The following GRIK2 variants were observed in gnomAD, a reference collection of about 807,000 sequenced individuals.
The protein encoded by GRIK2 is glutamate ionotropic receptor kainate type subunit 2, also known as glutamate receptor ionotropic, kainate 2.
A neutral mutation model predicts 100.3 loss-of-function variants in GRIK2; 32 were observed. The observed-to-expected ratio is 0.32, with a 90% CI of 0.24 to 0.43. The LOEUF (loss-of-function observed/expected upper bound fraction) is 0.43, where lower values mean the gene tolerates loss of function less well. Among genes scored for constraint, GRIK2 ranks in the 20% least tolerant of loss-of-function variants. GRIK2 has a pLI of 1.00. For synonymous variants in GRIK2, 417 were observed against 389.4 expected (o/e 1.07, Z -0.83); for missense variants, 843 against 1,114.9 (o/e 0.76, Z 3.47).
At chr6:101,545,273 T>C (rs1003682287) in intron 2 of GRIK2, among the ~76,000 whole-genome samples, 1 of 152,180 alleles carries the variant, frequency 6.6e-6, no homozygotes, top group Non-Finnish European at 1.5e-5. Context: ...CCGAGGTGTA[T>C]AGAAAGCTGT....
chr6:101,946,797 AC>A (rs1791307935), intron 14 of GRIK2, among the ~76,000 whole-genome samples: 1 of 152,042 alleles, frequency 6.6e-6, no homozygotes, highest in South Asian at 2.1e-4. Flanking sequence ...GGTATTGTAA[AC>A]CATTTATTTT....
At chr6:101,394,569 T>C (rs151193799) in intron 1 of GRIK2, among the ~76,000 whole-genome samples, 3 of 152,348 alleles carry the variant, frequency 2.0e-5, no homozygotes, top group African/African-American at 7.2e-5. Context: ...GATTATCTTC[T>C]ATCGTTTATT....
intron 2 of GRIK2, among the ~76,000 whole-genome samples, chr6:101,564,720 G>A (rs1025809298): frequency 3.3e-5 from 5 of 152,028 alleles, no homozygotes; most frequent in African/African-American, 7.2e-5. Flanking sequence ...TTCCTTTCAG[G>A]GGAATTTCCT....
chr6:101,630,207 G>A (rs915687988), intron 4 of GRIK2, among the ~76,000 whole-genome samples: 11 of 151,988 alleles, frequency 7.2e-5, no homozygotes, highest in African/African-American at 2.4e-4. Context: ...ATAGAATCAT[G>A]TATTTTCCTT....
chr6:101,503,209 TG>T (rs1287512897), intron 2 of GRIK2, among the ~76,000 whole-genome samples: 23 of 152,310 alleles, frequency 1.5e-4, no homozygotes, highest in Middle Eastern at 6.8e-3. Flanking sequence ...GCATTTGTTT[TG>T]TTTAGCATAG....
intron 7 of GRIK2, among the ~76,000 whole-genome samples, chr6:101,699,417 G>A (rs1328639538): frequency 6.6e-6 from 1 of 152,084 alleles, no homozygotes; most frequent in Non-Finnish European, 1.5e-5. Flanking sequence ...TCTGCCCATA[G>A]TGGCTGAGTT....
In GRIK2 at chr6:101,453,582, C is replaced by T. The variant is rs186116237; in HGVS notation, c.115+54190C>T. Among the ~76,000 whole-genome samples, 687 of 152,080 alleles carry T rather than the reference C, an allele frequency of 4.5e-3. 3 individuals carry two copies. Among genetic ancestry groups the T allele is most frequent in the Non-Finnish European group, 7.4e-3 (501 of 67,932 alleles). On this transcript the variant is annotated intron_variant, in intron 2 of 16. Transcript: ENST00000369134. ...AGAAATATACTTTAAATTGATAGCG[C>T]TAACCTAGTTTAATAAGGAAAAGTT...
chr6:101,795,413 G>T (rs1195445105), intron 7 of GRIK2, among the ~76,000 whole-genome samples: 1 of 152,180 alleles, frequency 6.6e-6, no homozygotes, highest in African/African-American at 2.4e-5. Flanking sequence ...CTGAGGCCCA[G>T]TGGTGTTATC....
intron 12 of GRIK2, among the ~76,000 whole-genome samples, chr6:101,906,560 TG>T (rs1245955994): frequency 6.6e-6 from 1 of 151,572 alleles, no homozygotes; most frequent in East Asian, 1.9e-4. Flanking sequence ...CAAATGTACA[TG>T]GGAAGGCACC....
intron 7 of GRIK2, among the ~76,000 whole-genome samples, chr6:101,735,615 A>G (rs1405040635): frequency 6.6e-6 from 1 of 152,180 alleles, no homozygotes; most frequent in Non-Finnish European, 1.5e-5. Flanking sequence ...CTTATTCACT[A>G]TCATGAAAAC....
intron 2 of GRIK2, among the ~76,000 whole-genome samples, chr6:101,490,018 A>G (rs899051256): frequency 6.8e-6 from 1 of 146,586 alleles, no homozygotes. Flanking sequence ...CTGAATATTA[A>G]TAAGAATTAA....
intron 8 of GRIK2, among the ~76,000 whole-genome samples, chr6:101,801,331 C>T (rs983416023): frequency 2.4e-4 from 36 of 152,026 alleles, no homozygotes; most frequent in African/African-American, 8.4e-4. Context: ...AACCAGTGAA[C>T]ACATGTTTAA....
chr6:101,746,485 C>T (rs77845861), intron 7 of GRIK2, among the ~76,000 whole-genome samples: 5,701 of 152,072 alleles, frequency 0.037, 197 homozygotes, highest in East Asian at 0.12. Flanking sequence ...TTCCACCATG[C>T]CTGGCTAATT....
At chr6:101,987,508 C>T (rs1348808983) in intron 14 of GRIK2, among the ~76,000 whole-genome samples, 1 of 151,328 alleles carries the variant, frequency 6.6e-6, no homozygotes, top group Non-Finnish European at 1.5e-5. Flanking sequence ...CTTTTCAATT[C>T]TTATTAGGTG....
rs142832451 is a variant in GRIK2, at chr6:101,431,722, G to T, written c.115+32330G>T. Among the ~76,000 whole-genome samples the T allele has an allele frequency of 6.2e-3, 949 of 152,248 alleles. 12 individuals are homozygous for T. Among genetic ancestry groups the T allele is most frequent in the African/African-American group, 0.021 (887 of 41,536 alleles). The stretch of plus-strand genomic sequence containing the variant: ...TTGACCATTTGAAAAATGGAATATT[G>T]GTTATCACTTTGTTACTTGGCCTGC... On this transcript the variant is annotated intron_variant, in intron 2 of 16. Coordinates refer to ENST00000369134, the MANE Select transcript of GRIK2 (RefSeq NM_021956.5).
chr6:102,065,918 T>G (rs1448309037), intron 16 of GRIK2: 1 of 1,409,064 alleles, frequency 7.1e-7, no homozygotes, highest in Non-Finnish European at 9.3e-7. Context: ...TCTTAATAAG[T>G]ACATCTAATA....
chr6:102,034,947 C>T (rs971458973), intron 14 of GRIK2, among the ~76,000 whole-genome samples: 1 of 151,268 alleles, frequency 6.6e-6, no homozygotes, highest in African/African-American at 2.4e-5. Context: ...CAGTATTTCT[C>T]TCTTCCACGT....
chr6:101,910,349 T>A (rs551820609), intron 12 of GRIK2, among the ~76,000 whole-genome samples: 1 of 151,252 alleles, frequency 6.6e-6, no homozygotes, highest in African/African-American at 2.4e-5. Context: ...TTTTTTTAAA[T>A]CTTGATTTTA....
At chr6:101,431,501 T>C (rs1286784253) in intron 2 of GRIK2, 1 of 152,200 alleles carries the variant, frequency 6.6e-6, no homozygotes, top group African/African-American at 2.4e-5. Context: ...TGTGGCGCCA[T>C]TGTCAAGGAC....
Sources: allele counts gnomAD v4.1 joint callset (sites outside exome capture counted in the v4.1 genomes callset), GRCh38; gene constraint gnomAD v4.1.1; transcripts MANE v1.5; gene names NCBI Gene and HGNC (gene_info 2026-07-23, HGNC 2026-07-21).